The following NPAS3 variants were observed in gnomAD, a reference collection of about 807,000 sequenced individuals.
NPAS3 encodes neuronal PAS domain protein 3.
Under a neutral mutation model 73.1 loss-of-function variants are expected in NPAS3, and 14 were observed. The observed-to-expected ratio is 0.19, with a 90% CI of 0.13 to 0.30. NPAS3 has a LOEUF of 0.30. Ranked by LOEUF, NPAS3 falls within the 10% of genes least tolerant of loss-of-function variation. The probability of loss-of-function intolerance (pLI) is 1.00; values close to 1 mark genes in which losing one functional copy is unlikely to be tolerated. For missense variants in NPAS3, 1,096 were observed against 1,250.0 expected, an observed-to-expected ratio of 0.88 and a Z score of 1.86; for synonymous variants, 620 against 541.5, an observed-to-expected ratio of 1.14 and a Z score of -2.01.
At chr14:33,136,210 A>G (rs1315320368) in intron 2 of NPAS3, among the ~76,000 whole-genome samples, 2 of 151,566 alleles carry the variant, frequency 1.3e-5, no homozygotes, top group African/African-American at 4.8e-5. Context: ...ACAGGCGCAC[A>G]CCACCACGCC....
intron 2 of NPAS3, among the ~76,000 whole-genome samples, chr14:33,066,050 AT>A (rs1231977162): frequency 6.6e-6 from 1 of 152,092 alleles, no homozygotes; most frequent in Non-Finnish European, 1.5e-5. Flanking sequence ...TGAAGAATAT[AT>A]TTTATGTAGT....
intron 2 of NPAS3, among the ~76,000 whole-genome samples, chr14:33,174,360 T>A (rs576164478): frequency 6.6e-6 from 1 of 152,352 alleles, no homozygotes; most frequent in African/African-American, 2.4e-5. Flanking sequence ...GGTACGGTTA[T>A]CACTGTGGTA....
chr14:33,454,810 T>C (rs777372904), intron 4 of NPAS3, among the ~76,000 whole-genome samples: 6 of 152,156 alleles, frequency 3.9e-5, no homozygotes, highest in Non-Finnish European at 7.3e-5. Flanking sequence ...GGTATGTGTA[T>C]CTGGGGAGAA....
chr14:33,382,566 C>T (rs748795515), intron 4 of NPAS3, among the ~76,000 whole-genome samples: 1 of 152,028 alleles, frequency 6.6e-6, no homozygotes, highest in Non-Finnish European at 1.5e-5. Flanking sequence ...TGTTTATTGG[C>T]AGTAAACAAG....
At chr14:33,484,432 G>A (rs543505390) in intron 4 of NPAS3, among the ~76,000 whole-genome samples, 291 of 152,252 alleles carry the variant, frequency 1.9e-3, no homozygotes, top group Non-Finnish European at 2.8e-3. Context: ...CCTTCTTCCC[G>A]TAGTGTGTTT....
At chr14:33,665,832 A>C (rs2059436153) in intron 5 of NPAS3, among the ~76,000 whole-genome samples, 1 of 152,050 alleles carries the variant, frequency 6.6e-6, no homozygotes, top group Non-Finnish European at 1.5e-5. Flanking sequence ...TCCAAAATGC[A>C]CCGTGGGTTT....
chr14:33,218,391 T>C (rs1397329281), intron 3 of NPAS3, among the ~76,000 whole-genome samples: 1 of 152,222 alleles, frequency 6.6e-6, no homozygotes, highest in East Asian at 1.9e-4. Context: ...ATGTACATTT[T>C]ATTGCTTTAC....
intron 2 of NPAS3, among the ~76,000 whole-genome samples, chr14:33,099,059 C>T (rs1203650592): frequency 6.6e-6 from 1 of 152,098 alleles, no homozygotes; most frequent in Non-Finnish European, 1.5e-5. Flanking sequence ...CACACAAAGC[C>T]CTGGCAGGCA....
chr14:33,233,160 T>C (rs2047913695), intron 3 of NPAS3, among the ~76,000 whole-genome samples: 2 of 152,154 alleles, frequency 1.3e-5, no homozygotes, highest in African/African-American at 4.8e-5. Flanking sequence ...TGAATCTACC[T>C]CAAGGACTTG....
chr14:33,221,649 T>A (rs941210401), intron 3 of NPAS3, among the ~76,000 whole-genome samples: 2 of 151,982 alleles, frequency 1.3e-5, no homozygotes, highest in African/African-American at 4.8e-5. Context: ...AAATGAGGAT[T>A]TTTTTTGTGG....
chr14:33,352,522 G>C (rs1353220275), intron 3 of NPAS3, among the ~76,000 whole-genome samples: 1 of 152,132 alleles, frequency 6.6e-6, no homozygotes, highest in East Asian at 1.9e-4. Context: ...CTACAGATGA[G>C]GAAACTAAGA....
At chr14:33,295,532 AC>A (rs1298653456) in intron 3 of NPAS3, among the ~76,000 whole-genome samples, 2 of 152,212 alleles carry the variant, frequency 1.3e-5, no homozygotes, top group Admixed American at 6.5e-5. Flanking sequence ...GTAGTTATAC[AC>A]AAGGAAGAGC....
intron 5 of NPAS3, among the ~76,000 whole-genome samples, chr14:33,581,723 C>T (rs1437518559): frequency 6.6e-6 from 1 of 152,120 alleles, no homozygotes; most frequent in African/African-American, 2.4e-5. Flanking sequence ...AGGTGTCTGC[C>T]ACCCTACCTG....
At chr14:33,009,935 G>A (rs1432489229) in intron 1 of NPAS3, among the ~76,000 whole-genome samples, 2 of 152,112 alleles carry the variant, frequency 1.3e-5, no homozygotes, top group Non-Finnish European at 2.9e-5. Context: ...TAAAATAAAG[G>A]CACTGGACAG....
intron 5 of NPAS3, among the ~76,000 whole-genome samples, chr14:33,587,450 G>A (rs2056904266): frequency 6.6e-6 from 1 of 152,132 alleles, no homozygotes; most frequent in East Asian, 1.9e-4. Context: ...GTCTCAGTAG[G>A]TTCCCTACTC....
At chr14:33,152,238 T>TTG (rs1364821803) in intron 2 of NPAS3, among the ~76,000 whole-genome samples, 1 of 152,164 alleles carries the variant, frequency 6.6e-6, no homozygotes, top group East Asian at 1.9e-4. Flanking sequence ...CTATAAGGAC[T>TTG]TGGAAGGCTT....
chr14:33,188,270 C>T (rs1282318617), intron 2 of NPAS3, among the ~76,000 whole-genome samples: 1 of 152,216 alleles, frequency 6.6e-6, no homozygotes, highest in Non-Finnish European at 1.5e-5. Context: ...AATGCTGTCT[C>T]TTCCACAGAA....
chr14:33,549,283 G>A (rs112893819), intron 4 of NPAS3, among the ~76,000 whole-genome samples: 62 of 152,256 alleles, frequency 4.1e-4, no homozygotes, highest in African/African-American at 1.3e-3. Context: ...TCAGGTTGGA[G>A]TGCAGTGGCA....
chr14:33,273,324 T>C (rs973672381), intron 3 of NPAS3, among the ~76,000 whole-genome samples: 14 of 152,204 alleles, frequency 9.2e-5, no homozygotes, highest in African/African-American at 3.1e-4. Flanking sequence ...TCTCAACCTT[T>C]CTCTGTAGGT....
Sources: gnomAD v4.1 joint callset for allele counts (sites outside exome capture counted in the v4.1 genomes callset) on GRCh38, gnomAD v4.1.1 for gene constraint, MANE v1.5 for transcripts, NCBI Gene and HGNC (gene_info 2026-07-23, HGNC 2026-07-21) for gene names.